RBM43: variants seen among roughly 807,000 people sequenced by gnomAD.
The protein encoded by RBM43 is RNA-binding protein 43.
In RBM43, 12 loss-of-function variants were observed where a neutral mutation model predicts 12.4. The ratio of observed to expected loss-of-function variants is 0.97; its 90% CI spans 0.62 to 1.57. The LOEUF (loss-of-function observed/expected upper bound fraction) is 1.57, where lower values mean the gene tolerates loss of function less well. Ranked by LOEUF, RBM43 falls within the 40% of genes most tolerant of loss-of-function variation. RBM43 has a pLI of 0.00. For synonymous variants in RBM43, 138 were observed against 145.7 expected (o/e 0.95, Z 0.38); for missense variants, 348 against 400.1 (o/e 0.87, Z 1.11).
Position 151,248,886 on chromosome 2 carries a change from C to T in RBM43, c.*2020G>A, listed in dbSNP as rs982071544. The T allele has an allele frequency of 1.9e-4, 29 of 152,268 alleles. No individual in the cohort carries two copies. The highest frequency in any genetic ancestry group is 7.0e-4 in the African/African-American group (29 of 41,546). The allele number at this position is 152,268 out of a possible 1,614,324, so 9.4% of individuals were successfully genotyped here. A position where few individuals can be genotyped will look rare whatever the true frequency, so the allele number is the denominator to read the frequency against. On this transcript the variant is annotated 3_prime_UTR_variant, in exon 4 of 4. Coordinates refer to ENST00000331426, the MANE Select transcript of RBM43 (RefSeq NM_198557.3). ...CTTACCAGTAAGAATGATAAGCCTT[C>T]TCCAAAGAAAGGGAAAAATTCCCTC...
intron 1 of RBM43, among the ~76,000 whole-genome samples, chr2:151,260,334 G>A (rs1475165320): frequency 6.6e-6 from 1 of 151,884 alleles, no homozygotes; most frequent in African/African-American, 2.4e-5. Flanking sequence ...CAAGTGATCC[G>A]CCCTCCTTCG....
rs1421627728 is a variant in RBM43 at position 151,255,655 on chromosome 2, A to G, written c.92T>C (p.Leu31Ser). Residue 31 changes from leucine (L) to serine (S), a missense_variant, in exon 2 of 4, where the codon TTA (leucine) becomes TCA (serine). Coordinates refer to ENST00000331426, the MANE Select transcript of RBM43 (RefSeq NM_198557.3). ...GTGGCTCTTCACTAATACGGCCAAT[A>G]ATTGATCACTAAAAAGGTCAACTGG... Reference protein sequence around the residue: ...GLPVDLFSDQLLAVLVKSHFQ... With the variant: ...GLPVDLFSDQSLAVLVKSHFQ... 4 of 1,613,812 alleles carry G rather than the reference A, an allele frequency of 2.5e-6. No homozygotes were observed. The highest frequency in any genetic ancestry group is 3.4e-6 in the Non-Finnish European group (4 of 1,179,810).
intron 1 of RBM43, among the ~76,000 whole-genome samples, chr2:151,258,479 T>C (rs574402421): frequency 6.6e-6 from 1 of 151,976 alleles, no homozygotes; most frequent in East Asian, 1.9e-4. Context: ...GCGGATCACT[T>C]GAGGCCAGGA....
intron 1 of RBM43, among the ~76,000 whole-genome samples, chr2:151,256,633 A>G (rs947990872): frequency 6.6e-6 from 1 of 152,156 alleles, no homozygotes; most frequent in African/African-American, 2.4e-5. Context: ...AGCCTGGCCA[A>G]CATGGTGAAA....
chr2:151,260,872 C>A, intron 1 of RBM43: 1 of 213,692 alleles, frequency 4.7e-6, no homozygotes. Flanking sequence ...TTCCTTGCAT[C>A]AGTATTGTGT....
intron 2 of RBM43, 75 bp downstream of exon 2, chr2:151,255,458 A>T: frequency 9.5e-7 from 1 of 1,047,934 alleles, no homozygotes. Context: ...TCCGTGGATC[A>T]TTTTAATAAA....
In RBM43 at chr2:151,251,281, C is replaced by A; in HGVS notation, c.699G>T (p.Lys233Asn). The change falls in exon 4 of 4, where the codon AAG becomes AAT. Residue 233 changes from lysine (K) to asparagine (N), a missense_variant. Coordinates refer to ENST00000331426, the MANE Select transcript of RBM43 (RefSeq NM_198557.3). The part of the protein sequence containing the change: ...DTDVFLYLKH[K>N]CGSYESTLKK... The stretch of plus-strand genomic sequence containing the variant: ...TCAGTGTGCTTTCATAAGATCCACA[C>A]TTGTGTTTCAGGTAAAGAAAAACAT... 6.2e-7 allele frequency: 1 copy of A among 1,613,994 alleles called. No homozygotes were observed. The highest frequency in any genetic ancestry group is 1.3e-5 in the African/African-American group (1 of 75,072).
chr2:151,256,597 T>A (rs1573734412), intron 1 of RBM43, among the ~76,000 whole-genome samples: 1 of 152,036 alleles, frequency 6.6e-6, no homozygotes, highest in African/African-American at 2.4e-5. Flanking sequence ...AGCAGGCAGA[T>A]CACCTGACAT....
intron 2 of RBM43, among the ~76,000 whole-genome samples, chr2:151,254,746 T>A (rs1404596096): frequency 6.6e-6 from 1 of 152,182 alleles, no homozygotes; most frequent in African/African-American, 2.4e-5. Flanking sequence ...GGGAGCAGAA[T>A]GGCTCATTCT....
intron 1 of RBM43, among the ~76,000 whole-genome samples, chr2:151,257,690 TCA>T (rs1413951724): frequency 6.6e-6 from 1 of 151,764 alleles, no homozygotes; most frequent in Non-Finnish European, 1.5e-5. Context: ...TGAAACTCCT[TCA>T]CAAAAAAAAG....
chr2:151,261,329 C>T (rs1027034761), intron 1 of RBM43: 35 of 1,550,476 alleles, frequency 2.3e-5, no homozygotes, highest in Non-Finnish European at 3.0e-5. Flanking sequence ...TTTTGTTCCC[C>T]CCGAGGCGTG....
intron 1 of RBM43, among the ~76,000 whole-genome samples, chr2:151,257,000 A>G (rs1156606588): frequency 6.6e-6 from 1 of 152,164 alleles, no homozygotes; most frequent in Non-Finnish European, 1.5e-5. Flanking sequence ...GTTGGGCTCA[A>G]TCTCTTTGAA....
At chr2:151,261,572 C>G in intron 1 of RBM43, 153 bp downstream of exon 1, 1 of 1,539,990 alleles carries the variant, frequency 6.5e-7, no homozygotes, top group South Asian at 1.2e-5. Context: ...TCTCCGGGGC[C>G]CCCGGGGTCC....
At chr2:151,256,103 AG>A (rs1313369791) in intron 1 of RBM43, among the ~76,000 whole-genome samples, 2 of 151,976 alleles carry the variant, frequency 1.3e-5, no homozygotes, top group African/African-American at 4.8e-5. Context: ...CTGGGATTAC[AG>A]GTGCCCACCA....
rs1239919376 is a variant in RBM43 at position 151,250,953 on chromosome 2, GGTAA to G, written c.1023_1026del (p.Tyr342CysfsTer7). 12 of 1,606,486 alleles carry G rather than the reference GGTAA, an allele frequency of 7.5e-6. No homozygotes were observed. The highest frequency in any genetic ancestry group is 6.7e-5 in the East Asian group (3 of 44,804). ...AATTTCATGACCCCTTTTTTAAACA[GGTAA>G]GTGTCAGAAGAAGATCCTATAATGT... On this transcript the variant is annotated frameshift_variant, in exon 4 of 4. Coordinates refer to ENST00000331426, the MANE Select transcript of RBM43 (RefSeq NM_198557.3). LOFTEE classifies it low-confidence loss of function (END_TRUNC).
intron 3 of RBM43, among the ~76,000 whole-genome samples, chr2:151,251,879 C>G (rs1682907850): frequency 6.6e-6 from 1 of 152,174 alleles, no homozygotes; most frequent in Non-Finnish European, 1.5e-5. Flanking sequence ...ACCACATACC[C>G]CAAAACAGAC....
chr2:151,259,138 CA>C (rs10671212), intron 1 of RBM43, among the ~76,000 whole-genome samples: 2,342 of 140,268 alleles, frequency 0.017, 24 homozygotes, highest in South Asian at 0.063. Flanking sequence ...ACTTCGTCCC[CA>C]AAAAAAAAAA....
intron 1 of RBM43, among the ~76,000 whole-genome samples, chr2:151,260,513 G>A (rs1334110041): frequency 6.6e-6 from 1 of 152,098 alleles, no homozygotes; most frequent in Non-Finnish European, 1.5e-5. Context: ...TTATTCGAAT[G>A]TCTACTGGTA....
intron 1 of RBM43, among the ~76,000 whole-genome samples, chr2:151,260,035 T>C (rs989000416): frequency 5.3e-5 from 8 of 152,010 alleles, no homozygotes; most frequent in Admixed American, 5.2e-4. Flanking sequence ...CCGACTAATT[T>C]TTGTATTTTT....
Sources: allele counts gnomAD v4.1 joint callset (sites outside exome capture counted in the v4.1 genomes callset), GRCh38; gene constraint gnomAD v4.1.1; transcripts MANE v1.5; gene names NCBI Gene and HGNC (gene_info 2026-07-23, HGNC 2026-07-21).